Variants in SAXO1 observed in about 807,000 individuals in gnomAD.
SAXO1 encodes 4930500O09Rik.
SAXO1 carries 21 observed loss-of-function variants against 17.5 expected under a neutral mutation model. The observed-to-expected ratio is 1.20, with a 90% CI of 0.85 to 1.72. The LOEUF (loss-of-function observed/expected upper bound fraction) is 1.72. Among genes scored for constraint, SAXO1 ranks in the 40% most tolerant of loss-of-function variants. The pLI, the probability that SAXO1 is intolerant of heterozygous loss-of-function variation, is 0.00. For synonymous variants in SAXO1, 274 were observed against 216.5 expected (o/e 1.27, Z -2.33); for missense variants, 843 against 596.0 (o/e 1.41, Z -4.32).
At chr9:18,996,526 C>T (rs1834008101) in intron 1 of SAXO1, among the ~76,000 whole-genome samples, 1 of 152,206 alleles carries the variant, frequency 6.6e-6, no homozygotes, top group South Asian at 2.1e-4. Context: ...AGTATTAAAT[C>T]TTATGGAACC....
At chr9:18,944,192 A>T (rs1831698188) in intron 2 of SAXO1, among the ~76,000 whole-genome samples, 1 of 148,170 alleles carries the variant, frequency 6.7e-6, no homozygotes, top group South Asian at 2.3e-4. Flanking sequence ...ACTAAGGCAA[A>T]TGATTATGGG....
intron 1 of SAXO1, among the ~76,000 whole-genome samples, chr9:19,002,896 A>C (rs1834334323): frequency 6.6e-6 from 1 of 152,226 alleles, no homozygotes; most frequent in African/African-American, 2.4e-5. Flanking sequence ...CTGCTGGGGC[A>C]ATCAGGCAAG....
intron 1 of SAXO1, among the ~76,000 whole-genome samples, chr9:18,976,129 CAT>C (rs1182190751): frequency 6.6e-6 from 1 of 152,174 alleles, no homozygotes; most frequent in Non-Finnish European, 1.5e-5. Context: ...TGTGTGCACA[CAT>C]ATGACATAAT....
intron 1 of SAXO1, among the ~76,000 whole-genome samples, chr9:19,009,178 CTA>C (rs1834617009): frequency 2.6e-5 from 4 of 152,016 alleles, no homozygotes; most frequent in Admixed American, 6.5e-5. Flanking sequence ...CAAGATTGGG[CTA>C]AAACTATTTT....
At chr9:19,015,213 C>G (rs191791175) in intron 1 of SAXO1, among the ~76,000 whole-genome samples, 1 of 152,150 alleles carries the variant, frequency 6.6e-6, no homozygotes, top group Non-Finnish European at 1.5e-5. Flanking sequence ...TCAACCAGCC[C>G]GGAGTACAAT....
chr9:18,956,288 A>C (rs1832256836), intron 1 of SAXO1, among the ~76,000 whole-genome samples: 1 of 152,110 alleles, frequency 6.6e-6, no homozygotes, highest in Admixed American at 6.6e-5. Flanking sequence ...CTGCAAACAA[A>C]GCTGTTCATC....
intron 1 of SAXO1, among the ~76,000 whole-genome samples, chr9:19,013,006 G>C (rs1225780074): frequency 6.6e-6 from 1 of 152,122 alleles, no homozygotes; most frequent in Non-Finnish European, 1.5e-5. Context: ...TGCCTCATCA[G>C]GCCTCTGCCA....
chr9:19,045,306 G>C lies in SAXO1; in HGVS notation c.-158+3903C>G, dbSNP rs1369502073. 1.6e-4 allele frequency among the ~76,000 whole-genome samples: 18 copies of C among 113,722 alleles called. No individual in the cohort carries two copies. In the Admixed American group the frequency reaches 2.2e-3, roughly 14 times the overall value. The allele number at this position is 113,722 out of a possible 152,430, so 74.6% of individuals were successfully genotyped here. ...CAGTCCGGCCTGGGCGACAGAGCGA[G>C]ACTCCGTCTCAAAAAAAAAAAAAAA... On this transcript the variant is annotated intron_variant, in intron 1 of 3. Transcript: ENST00000542071.
At chr9:18,936,362 C>G (rs1412831962) in intron 3 of SAXO1, among the ~76,000 whole-genome samples, 4 of 152,140 alleles carry the variant, frequency 2.6e-5, no homozygotes, top group Non-Finnish European at 5.9e-5. Flanking sequence ...TTCCTGCCCA[C>G]CCCGGCCCCC....
At position 18,941,761 on chromosome 9, in the gene SAXO1, C is replaced by A. The variant is rs1423591010; in HGVS notation, c.297G>T (p.Met99Ile). The A allele has an allele frequency of 6.2e-7, 1 of 1,614,188 alleles. No homozygotes were observed. Among genetic ancestry groups the A allele is most frequent in the Admixed American group, 1.7e-5 (1 of 60,026 alleles). Residue 99 changes from methionine to isoleucine, a missense_variant, in exon 3 of 4, where the codon ATG becomes ATT. Transcript: ENST00000380534. ...YDQFVPSEENMDLLTTYKKDY... is the reference protein window; with the variant it reads ...YDQFVPSEENIDLLTTYKKDY... The stretch of plus-strand genomic sequence containing the variant: ...CTTTCTTATACGTCGTGAGCAAATC[C>A]ATATTCTCTTCACTCGGGACGAACT...
chr9:18,984,660 G>A (rs988863940), intron 1 of SAXO1, among the ~76,000 whole-genome samples: 1 of 152,212 alleles, frequency 6.6e-6, no homozygotes, highest in African/African-American at 2.4e-5. Context: ...AAGAGTTAGG[G>A]CCTTGCTCTG....
intron 1 of SAXO1, among the ~76,000 whole-genome samples, chr9:19,009,637 T>C (rs531600337): frequency 3.3e-5 from 5 of 152,144 alleles, no homozygotes; most frequent in East Asian, 1.9e-4. Flanking sequence ...TCAGGGAAAA[T>C]TGAGATTTCT....
chr9:18,928,609 C>G lies in SAXO1; in HGVS notation c.868G>C (p.Ala290Pro). 1 of 1,614,072 alleles carries G rather than the reference C, an allele frequency of 6.2e-7. No homozygotes were observed. Among genetic ancestry groups the G allele is most frequent in the South Asian group, 1.1e-5 (1 of 91,068 alleles). ...AWPMPRMFSKAPITYVPPEDR... is the reference protein window; with the variant it reads ...AWPMPRMFSKPPITYVPPEDR... ...TCGGGAGGGACGTAGGTGATGGGAGCTTTGGAGAACATCCGGGGCATTGGC... is the reference window on the plus strand; with the variant it reads ...TCGGGAGGGACGTAGGTGATGGGAGGTTTGGAGAACATCCGGGGCATTGGC... Residue 290 changes from alanine (A) to proline (P), a missense_variant, in exon 4 of 4, where the codon GCT (alanine) becomes CCT (proline). Physicochemically the swap from Ala to Pro is conservative, Grantham distance 27. Coordinates refer to ENST00000380534, the MANE Select transcript of SAXO1 (RefSeq NM_153707.4).
chr9:18,985,963 G>T (rs748458328), intron 1 of SAXO1, among the ~76,000 whole-genome samples: 2 of 152,114 alleles, frequency 1.3e-5, no homozygotes, highest in African/African-American at 2.4e-5. Context: ...TTCCTACCAA[G>T]AAGTAAGAAT....
At chr9:18,995,690 G>T (rs909075589) in intron 1 of SAXO1, among the ~76,000 whole-genome samples, 4 of 152,088 alleles carry the variant, frequency 2.6e-5, no homozygotes, top group Admixed American at 1.3e-4. Context: ...AAATAATTCA[G>T]GTTTAGAAAC....
chr9:18,958,351 G>T (rs1325848836), intron 1 of SAXO1, among the ~76,000 whole-genome samples: 1 of 152,164 alleles, frequency 6.6e-6, no homozygotes, highest in African/African-American at 2.4e-5. Flanking sequence ...TTGAACCTGA[G>T]AGGCAGAGGT....
intron 1 of SAXO1, among the ~76,000 whole-genome samples, chr9:18,968,235 A>T (rs547699778): frequency 2.4e-4 from 36 of 152,206 alleles, no homozygotes; most frequent in Admixed American, 2.4e-3. Flanking sequence ...TGTAGAGATG[A>T]GGTTTCCTCA....
Position 18,974,877 on chromosome 9 carries a change from C to G in SAXO1, c.39-23940G>C, listed in dbSNP as rs114587570. 4.9e-3 allele frequency among the ~76,000 whole-genome samples: 743 copies of G among 152,196 alleles called. 2 individuals carry two copies. Among genetic ancestry groups the G allele is most frequent in the African/African-American group, 0.017 (701 of 41,522 alleles). ...ATGGATGGATGCTAAGGCTGATAGG[C>G]AAAGTTTTGATAACAAACAGGATAT... On this transcript the variant is annotated intron_variant, in intron 1 of 3. Transcript: ENST00000380534.
intron 3 of SAXO1, among the ~76,000 whole-genome samples, chr9:18,941,312 A>C (rs1167947679): frequency 9.5e-5 from 1 of 10,472 alleles, no homozygotes; most frequent in Admixed American, 8.3e-4. Flanking sequence ...CTACTATGCT[A>C]AAAAAAAAAG....
Sources: gnomAD v4.1 joint callset for allele counts (sites outside exome capture counted in the v4.1 genomes callset) on GRCh38, gnomAD v4.1.1 for gene constraint, MANE v1.5 for transcripts, NCBI Gene and HGNC (gene_info 2026-07-23, HGNC 2026-07-21) for gene names.